Variants in EPB41L4A observed in about 807,000 individuals in gnomAD.
EPB41L4A encodes the protein erythrocyte membrane protein band 4.1 like 4A, also known as band 4.1-like protein 4A.
Under a neutral mutation model 108.6 loss-of-function variants are expected in EPB41L4A, and 100 were observed. The ratio of observed to expected loss-of-function variants is 0.92; its 90% CI spans 0.78 to 1.09. The LOEUF (loss-of-function observed/expected upper bound fraction) is 1.09, where lower values mean the gene tolerates loss of function less well. Among genes scored for constraint, EPB41L4A ranks in the 50% least tolerant of loss-of-function variants. The pLI is 0.00. For missense variants in EPB41L4A, 1,030 were observed against 842.7 expected (o/e 1.22, Z -2.75); for synonymous variants, 319 against 289.0 (o/e 1.10, Z -1.05).
At chr5:112,208,204 C>T (rs1381751063) in intron 13 of EPB41L4A, among the ~76,000 whole-genome samples, 1 of 146,472 alleles carries the variant, frequency 6.8e-6, no homozygotes, top group Non-Finnish European at 1.5e-5. Flanking sequence ...CAAGATGGTG[C>T]CACTCCACTC....
chr5:112,207,397 A>G (rs1345634323), intron 13 of EPB41L4A, among the ~76,000 whole-genome samples: 1 of 152,106 alleles, frequency 6.6e-6, no homozygotes, highest in Non-Finnish European at 1.5e-5. Context: ...TAAGTCCCCA[A>G]AAGCAATTGC....
intron 19 of EPB41L4A, 144 bp from the exon 20 acceptor site, chr5:112,170,513 C>T (rs186746279): frequency 6.8e-5 from 42 of 613,692 alleles, no homozygotes; most frequent in African/African-American, 5.8e-4. Flanking sequence ...AAAAACTAAA[C>T]GTGTTCAAGG....
chr5:112,415,229 T>C (rs1762643759), intron 1 of EPB41L4A, among the ~76,000 whole-genome samples: 2 of 152,126 alleles, frequency 1.3e-5, no homozygotes, highest in Admixed American at 1.3e-4. Context: ...CTCACAGTAT[T>C]CCCTCAGGAA....
intron 1 of EPB41L4A, among the ~76,000 whole-genome samples, chr5:112,322,911 G>C (rs763778158): frequency 6.6e-6 from 1 of 151,644 alleles, no homozygotes; most frequent in East Asian, 1.9e-4. Context: ...AGAACAAATA[G>C]GGCCTATGAA....
intron 1 of EPB41L4A, among the ~76,000 whole-genome samples, chr5:112,407,805 G>A (rs1393031692): frequency 1.3e-5 from 2 of 152,150 alleles, no homozygotes; most frequent in Non-Finnish European, 2.9e-5. Context: ...AGCATTAGCA[G>A]CAGCAGGACT....
chr5:112,354,047 T>C (rs532703662), intron 1 of EPB41L4A, among the ~76,000 whole-genome samples: 1 of 152,308 alleles, frequency 6.6e-6, no homozygotes, highest in African/African-American at 2.4e-5. Flanking sequence ...TGAAACCAGA[T>C]GAGTTCAAAA....
intron 9 of EPB41L4A, among the ~76,000 whole-genome samples, chr5:112,246,844 C>G (rs185268546): frequency 6.6e-6 from 1 of 152,228 alleles, no homozygotes; most frequent in South Asian, 2.1e-4. Context: ...TTCCCTACCC[C>G]CCTCTTACAT....
intron 12 of EPB41L4A, among the ~76,000 whole-genome samples, chr5:112,148,735 A>G (rs1013089602): frequency 2.0e-5 from 3 of 152,098 alleles, no homozygotes; most frequent in African/African-American, 4.8e-5. Flanking sequence ...TTTCCATTTA[A>G]TTTTTAAACT....
chr5:112,161,638 C>T (rs189682034), downstream of EPB41L4A: 145 of 518,808 alleles, frequency 2.8e-4, 1 homozygote, highest in Non-Finnish European at 4.1e-4. Context: ...CGTTTCCACG[C>T]GTGATCTTGA....
intron 18 of EPB41L4A, among the ~76,000 whole-genome samples, chr5:112,173,334 G>A (rs893771103): frequency 1.4e-4 from 22 of 152,036 alleles, no homozygotes; most frequent in African/African-American, 4.8e-5. Context: ...GTTATGAGTG[G>A]CCAGGAGGAC....
At chr5:112,419,830 G>C (rs1265488420), upstream of EPB41L4A, 3 of 456,630 alleles carry the variant, frequency 6.6e-6, no homozygotes, top group East Asian at 2.1e-4. Context: ...GCTCATTACG[G>C]GTGGCCGTGT....
intron 1 of EPB41L4A, among the ~76,000 whole-genome samples, chr5:112,350,728 G>A (rs968588667): frequency 6.6e-6 from 1 of 152,064 alleles, no homozygotes; most frequent in African/African-American, 2.4e-5. Context: ...CAGAACATGT[G>A]GTATCTTTCT....
intron 9 of EPB41L4A, among the ~76,000 whole-genome samples, chr5:112,258,339 T>C (rs1751252108): frequency 3.9e-5 from 6 of 152,188 alleles, no homozygotes; most frequent in Admixed American, 3.9e-4. Context: ...CCTATTCCTG[T>C]GTCTCAGTGT....
At chr5:112,316,101 G>C (rs988756447) in intron 1 of EPB41L4A, among the ~76,000 whole-genome samples, 1 of 152,202 alleles carries the variant, frequency 6.6e-6, no homozygotes, top group Non-Finnish European at 1.5e-5. Flanking sequence ...AGACTCACTA[G>C]TAGGACAAGT....
At chr5:112,374,126 A>T (rs1350182371) in intron 1 of EPB41L4A, among the ~76,000 whole-genome samples, 2 of 152,228 alleles carry the variant, frequency 1.3e-5, no homozygotes, top group African/African-American at 4.8e-5. Context: ...AATAAATAGC[A>T]TTCTTCAAAT....
At chr5:112,270,096 G>C (rs1369366050) in intron 4 of EPB41L4A, among the ~76,000 whole-genome samples, 1 of 152,210 alleles carries the variant, frequency 6.6e-6, no homozygotes, top group Non-Finnish European at 1.5e-5. Context: ...GAGGCAAGAA[G>C]AACAGACCAG....
chr5:112,390,122 C>T (rs1580811720), intron 1 of EPB41L4A, among the ~76,000 whole-genome samples: 2 of 152,354 alleles, frequency 1.3e-5, no homozygotes, highest in East Asian at 3.9e-4. Flanking sequence ...CAGCTCCCAG[C>T]GTGATCGACA....
At chr5:112,314,559 T>C (rs566842015) in intron 1 of EPB41L4A, among the ~76,000 whole-genome samples, 1 of 119,492 alleles carries the variant, frequency 8.4e-6, no homozygotes, top group Non-Finnish European at 1.7e-5. Context: ...TAGCCAAGCA[T>C]GATGGCAGGC....
At chr5:112,355,697 T>C (rs1309925096) in intron 1 of EPB41L4A, among the ~76,000 whole-genome samples, 1 of 152,200 alleles carries the variant, frequency 6.6e-6, no homozygotes, top group African/African-American at 2.4e-5. Flanking sequence ...ATTCCACTCC[T>C]TCACCTCTTC....
Sources: allele counts gnomAD v4.1 joint callset (sites outside exome capture counted in the v4.1 genomes callset), GRCh38; gene constraint gnomAD v4.1.1; transcripts MANE v1.5; gene names NCBI Gene and HGNC (gene_info 2026-07-23, HGNC 2026-07-21).